The following KHDRBS2 variants were observed in gnomAD, a reference collection of about 807,000 sequenced individuals.
The protein encoded by KHDRBS2 is KH RNA binding domain containing, signal transduction associated 2.
KHDRBS2 carries 26 observed loss-of-function variants against 44.3 expected under a neutral mutation model. The observed-to-expected ratio is 0.59, with a 90% CI of 0.43 to 0.81. The LOEUF is 0.81. KHDRBS2 is among the 40% of genes least tolerant of loss of function. The pLI is 0.00. For synonymous variants in KHDRBS2, 194 were observed against 151.1 expected, an observed-to-expected ratio of 1.28 and a Z score of -2.08; for missense variants, 476 against 433.1, an observed-to-expected ratio of 1.10 and a Z score of -0.88.
At position 61,821,686 on chromosome 6, in the gene KHDRBS2, T is replaced by A. The variant is rs915135743; in HGVS notation, c.810+72949A>T. ...ACTCATTTTACTGCTGCAATAAAGT[T>A]TTTTTTTCCACTTATAAGCCTTGGA... On this transcript the variant is annotated intron_variant, in intron 6 of 8. Transcript: ENST00000281156. Among the ~76,000 whole-genome samples, 3 of 151,768 alleles carry A rather than the reference T, an allele frequency of 2.0e-5. No individual in the cohort carries two copies. The Admixed American group carries it at 2.0e-4, about 10-fold the overall frequency.
At chr6:61,942,507 T>A (rs754276186) in intron 4 of KHDRBS2, among the ~76,000 whole-genome samples, 1 of 151,984 alleles carries the variant, frequency 6.6e-6, no homozygotes, top group Non-Finnish European at 1.5e-5. Flanking sequence ...TGAAGACAGA[T>A]CTTTTGAAAT....
At chr6:62,150,695 A>C (rs1427338089) in intron 2 of KHDRBS2, among the ~76,000 whole-genome samples, 3 of 152,098 alleles carry the variant, frequency 2.0e-5, no homozygotes, top group African/African-American at 7.2e-5. Flanking sequence ...CTTTCCCTTC[A>C]CTTATTTGGG....
chr6:61,731,249 A>G (rs1424748524), intron 7 of KHDRBS2, among the ~76,000 whole-genome samples: 1 of 151,882 alleles, frequency 6.6e-6, no homozygotes, highest in Non-Finnish European at 1.5e-5. Flanking sequence ...TGTGATGCAA[A>G]ACTTACCCTA....
intron 1 of KHDRBS2, among the ~76,000 whole-genome samples, chr6:62,249,691 C>T (rs762804315): frequency 5.3e-5 from 8 of 152,034 alleles, no homozygotes; most frequent in Non-Finnish European, 1.2e-4. Context: ...CGCCTGCTTG[C>T]TGTCCATATG....
intron 2 of KHDRBS2, among the ~76,000 whole-genome samples, chr6:62,162,872 C>G (rs1408469124): frequency 1.3e-5 from 2 of 152,022 alleles, no homozygotes; most frequent in Non-Finnish European, 2.9e-5. Context: ...GTAAAAGGAT[C>G]AGGTGCCGTC....
intron 8 of KHDRBS2, among the ~76,000 whole-genome samples, chr6:61,692,081 T>A (rs1026467536): frequency 6.6e-6 from 1 of 152,126 alleles, no homozygotes; most frequent in African/African-American, 2.4e-5. Context: ...TAGCTATCAG[T>A]CTCAGAGAGA....
intron 1 of KHDRBS2, among the ~76,000 whole-genome samples, chr6:62,263,986 A>C (rs1838781741): frequency 6.6e-6 from 1 of 151,790 alleles, no homozygotes; most frequent in African/African-American, 2.4e-5. Context: ...TTGGATTTTC[A>C]AAATGCAGAG....
chr6:61,978,589 T>C (rs1773204268), intron 3 of KHDRBS2, among the ~76,000 whole-genome samples: 1 of 152,084 alleles, frequency 6.6e-6, no homozygotes. Context: ...AGATGGTAAG[T>C]GAAAGATTAT....
the KHDRBS2 span, among the ~76,000 whole-genome samples, chr6:61,665,831 A>G: frequency 1.3e-4 from 19 of 151,078 alleles, no homozygotes; most frequent in Non-Finnish European, 2.5e-4. Flanking sequence ...CATCATAATG[A>G]ATAGTTATCA....
chr6:61,935,459 AG>A (rs1810855296), intron 4 of KHDRBS2, among the ~76,000 whole-genome samples: 1 of 152,192 alleles, frequency 6.6e-6, no homozygotes, highest in Non-Finnish European at 1.5e-5. Context: ...GTTATTCTTC[AG>A]GGATCATCCA....
At chr6:61,849,090 T>C (rs1795068359) in intron 6 of KHDRBS2, among the ~76,000 whole-genome samples, 1 of 152,178 alleles carries the variant, frequency 6.6e-6, no homozygotes, top group African/African-American at 2.4e-5. Context: ...ACAGCAGATT[T>C]TCTTCAGTAG....
chr6:61,685,667 A>T (rs1255106583), intron 8 of KHDRBS2, among the ~76,000 whole-genome samples: 2 of 151,782 alleles, frequency 1.3e-5, no homozygotes, highest in African/African-American at 2.4e-5. Flanking sequence ...GTGATAGAAG[A>T]ATGTAAATTA....
chr6:61,891,529 T>G (rs112742435), intron 6 of KHDRBS2, among the ~76,000 whole-genome samples: 7 of 152,308 alleles, frequency 4.6e-5, no homozygotes, highest in Admixed American at 3.3e-4. Context: ...TCCTTGTACC[T>G]CTGGTAAAAT....
the KHDRBS2 span, among the ~76,000 whole-genome samples, chr6:61,604,747 G>A: frequency 6.6e-6 from 1 of 152,106 alleles, no homozygotes; most frequent in Admixed American, 6.5e-5. Context: ...TTACTTACAT[G>A]CCCTGAGTCA....
At position 62,080,298 on chromosome 6, in the gene KHDRBS2, C is replaced by G. The variant is rs538770368; in HGVS notation, c.220-32304G>C. On this transcript the variant is annotated intron_variant, in intron 2 of 8. Coordinates refer to ENST00000281156, the MANE Select transcript of KHDRBS2 (RefSeq NM_152688.4). Reference sequence around the variant, plus strand: ...AGTTCTTAAGACAGCCTATGATGCACAAACCTCTATAGACAAATCTATTTT... The same window carrying G: ...AGTTCTTAAGACAGCCTATGATGCAGAAACCTCTATAGACAAATCTATTTT... 2.6e-5 allele frequency among the ~76,000 whole-genome samples: 4 copies of G among 152,154 alleles called. No homozygotes were observed. In the East Asian group the frequency reaches 5.8e-4, roughly 22 times the overall value.
intron 3 of KHDRBS2, among the ~76,000 whole-genome samples, chr6:62,001,105 C>CGTTCTG (rs1173525381): frequency 1.3e-5 from 2 of 152,114 alleles, no homozygotes; most frequent in Admixed American, 1.3e-4. Flanking sequence ...TAGCTTCTTA[C>CGTTCTG]GTTCTGGTCA....
chr6:61,551,352 A>C, the KHDRBS2 span, among the ~76,000 whole-genome samples: 1 of 152,104 alleles, frequency 6.6e-6, no homozygotes, highest in Non-Finnish European at 1.5e-5. Flanking sequence ...TCTGCTGTAC[A>C]GAAGCTCTTT....
chr6:61,680,717 G>T lies in KHDRBS2; in HGVS notation c.*246C>A. The T allele has an allele frequency of 3.3e-6, 1 of 299,310 alleles. No individual in the cohort carries two copies. Among genetic ancestry groups the T allele is most frequent in the Non-Finnish European group, 6.1e-6 (1 of 163,448 alleles). 18.5% of individuals were successfully genotyped at this position (299,310 alleles called of 1,614,324 possible). ...ACAACCAAGAGAATATCATCCTACTGAAAGGTTTATAGACTATGCTTGCTA... is the reference window on the plus strand; with the variant it reads ...ACAACCAAGAGAATATCATCCTACTTAAAGGTTTATAGACTATGCTTGCTA... On this transcript the variant is annotated 3_prime_UTR_variant, in exon 9 of 9. Transcript: ENST00000281156.
At chr6:61,640,477 A>G in the KHDRBS2 span, among the ~76,000 whole-genome samples, 7 of 152,144 alleles carry the variant, frequency 4.6e-5, no homozygotes. Context: ...CAATTCAAAT[A>G]CAAAAACATT....
Sources: gnomAD v4.1 joint callset for allele counts (sites outside exome capture counted in the v4.1 genomes callset) on GRCh38, gnomAD v4.1.1 for gene constraint, MANE v1.5 for transcripts, NCBI Gene and HGNC (gene_info 2026-07-23, HGNC 2026-07-21) for gene names.